PTPRN2: variants seen among roughly 807,000 people sequenced by gnomAD.
The protein encoded by PTPRN2 is receptor-type tyrosine-protein phosphatase N2.
In PTPRN2, 74 loss-of-function variants were observed where a neutral mutation model predicts 118.8. That is an observed-to-expected ratio of 0.62 (90% CI 0.52 to 0.76). The LOEUF (loss-of-function observed/expected upper bound fraction) is 0.76. Ranked by LOEUF, PTPRN2 falls within the 30% of genes least tolerant of loss-of-function variation. The probability of loss-of-function intolerance (pLI) is 0.00; values close to 1 mark genes in which losing one functional copy is unlikely to be tolerated. For missense variants in PTPRN2, 1,481 were observed against 1,394.4 expected, an observed-to-expected ratio of 1.06 and a Z score of -0.99; for synonymous variants, 641 against 608.0, an observed-to-expected ratio of 1.05 and a Z score of -0.80.
intron 11 of PTPRN2, among the ~76,000 whole-genome samples, chr7:157,899,826 C>T (rs1236662743): frequency 6.6e-6 from 1 of 152,164 alleles, no homozygotes; most frequent in East Asian, 1.9e-4. Context: ...ACAAGACAGA[C>T]AGAAAACAGT....
At chr7:158,245,206 C>T (rs1210734066) in intron 3 of PTPRN2, among the ~76,000 whole-genome samples, 1 of 100,036 alleles carries the variant, frequency 1.0e-5, no homozygotes, top group Non-Finnish European at 2.2e-5. Context: ...ATGCTGGAAT[C>T]CACGGTCATG....
intron 12 of PTPRN2, among the ~76,000 whole-genome samples, chr7:157,882,359 C>T (rs1326284297): frequency 6.7e-6 from 1 of 149,578 alleles, no homozygotes; most frequent in Non-Finnish European, 1.5e-5. Flanking sequence ...GAGAACAGAA[C>T]ATGCCATCCC....
intron 11 of PTPRN2, among the ~76,000 whole-genome samples, chr7:157,906,656 A>T (rs1797785980): frequency 6.6e-6 from 1 of 151,664 alleles, no homozygotes; most frequent in Admixed American, 6.6e-5. Flanking sequence ...AGGTTTAAAC[A>T]TTGCAAACCT....
intron 12 of PTPRN2, among the ~76,000 whole-genome samples, chr7:157,802,055 C>T (rs1022710620): frequency 4.6e-5 from 7 of 152,164 alleles, no homozygotes; most frequent in African/African-American, 7.2e-5. Context: ...CGTCCCTCTC[C>T]GACTCCGCTT....
chr7:158,017,240 C>A (rs540265186), intron 11 of PTPRN2, among the ~76,000 whole-genome samples: 1 of 152,252 alleles, frequency 6.6e-6, no homozygotes, highest in South Asian at 2.1e-4. Context: ...GAAGAAAGGG[C>A]CATGGTAATT....
In PTPRN2 at chr7:157,794,310, T is replaced by TCACACCTCCCCTCGGTCTCTGCTCC; in HGVS notation, c.1788+104362_1788+104363insGGAGCAGAGACCGAGGGGAGGTGTG. Among the ~76,000 whole-genome samples, 1 of 149,460 alleles carries TCACACCTCCCCTCGGTCTCTGCTCC rather than the reference T, an allele frequency of 6.7e-6. No homozygotes were observed. The highest frequency in any genetic ancestry group is 2.0e-4 in the East Asian group (1 of 4,954). The stretch of plus-strand genomic sequence containing the variant: ...TCACACCTCCCCTCGTTCTCTGCTC[T>TCACACCTCCCCTCGGTCTCTGCTCC]GACCCGGGCTCACACCTCCCTGCTC... On this transcript the variant is annotated intron_variant, in intron 12 of 22. Coordinates refer to ENST00000389418, the MANE Select transcript of PTPRN2 (RefSeq NM_002847.5). This position sits in a 1 kb window ranked among gnomAD's most constrained non-coding sequence, Gnocchi z 5.2.
intron 2 of PTPRN2, among the ~76,000 whole-genome samples, chr7:158,377,648 T>A (rs918483026): frequency 6.6e-5 from 10 of 152,118 alleles, no homozygotes; most frequent in African/African-American, 2.4e-4. Flanking sequence ...CCAAGAGGAA[T>A]GAAAATGGAG....
intron 2 of PTPRN2, among the ~76,000 whole-genome samples, chr7:158,483,860 G>A (rs561495638): frequency 3.8e-4 from 58 of 152,180 alleles, no homozygotes; most frequent in African/African-American, 1.1e-3. Context: ...GGAGTTGGCC[G>A]GGCGCAATGG....
chr7:158,058,397 G>A (rs10263543), intron 11 of PTPRN2, among the ~76,000 whole-genome samples: 8,813 of 89,378 alleles, frequency 0.099, 35 homozygotes, highest in South Asian at 0.14. Context: ...ATCTGCCCAC[G>A]GTGAGACATC....
chr7:158,107,642 T>A (rs762122548), intron 10 of PTPRN2, among the ~76,000 whole-genome samples: 13 of 150,700 alleles, frequency 8.6e-5, no homozygotes, highest in African/African-American at 3.2e-4. Flanking sequence ...ACACACACTT[T>A]GCACTCAGAT....
In PTPRN2 at chr7:157,671,721, C is replaced by T. The variant is rs534980616; in HGVS notation, c.2001+11004G>A. 3.3e-5 allele frequency among the ~76,000 whole-genome samples: 5 copies of T among 152,190 alleles called. No homozygotes were observed. The highest frequency in any genetic ancestry group is 2.6e-4 in the Admixed American group (4 of 15,292). ...CTGCTTCTCCATTTTCGGAACTGCACGTCGTTCTGGGGCCCAATTATTCTA... is the reference window on the plus strand; with the variant it reads ...CTGCTTCTCCATTTTCGGAACTGCATGTCGTTCTGGGGCCCAATTATTCTA... On this transcript the variant is annotated intron_variant, in intron 13 of 22. Coordinates refer to ENST00000389418, the MANE Select transcript of PTPRN2 (RefSeq NM_002847.5). The surrounding 1 kb of genome is among the most constrained non-coding windows in gnomAD (Gnocchi z 4.1).
intron 11 of PTPRN2, among the ~76,000 whole-genome samples, chr7:157,927,464 C>T (rs1167925655): frequency 6.0e-5 from 7 of 117,034 alleles, no homozygotes; most frequent in African/African-American, 2.9e-4. Flanking sequence ...CCCAGGGACC[C>T]TTCTGAGAAC....
chr7:158,551,448 G>GCCT (rs1826647425), intron 1 of PTPRN2, among the ~76,000 whole-genome samples: 2 of 149,598 alleles, frequency 1.3e-5, no homozygotes, highest in East Asian at 2.0e-4. Context: ...GGGGGGCCCT[G>GCCT]CCTAACCCAT....
At chr7:157,685,449 G>T (rs1797140095) in intron 12 of PTPRN2, among the ~76,000 whole-genome samples, 1 of 152,124 alleles carries the variant, frequency 6.6e-6, no homozygotes. Flanking sequence ...GTGCGCGCGG[G>T]TGTGTGGGGT....
At chr7:157,663,050 T>C (rs28661427) in intron 13 of PTPRN2, among the ~76,000 whole-genome samples, 58,288 of 151,684 alleles carry the variant, frequency 0.38, 12,252 homozygotes, top group Non-Finnish European at 0.49. Context: ...CCTCACGCCG[T>C]ATCTCAGGAC....
chr7:158,144,795 G>A (rs1164049482), intron 6 of PTPRN2, among the ~76,000 whole-genome samples: 1 of 152,214 alleles, frequency 6.6e-6, no homozygotes, highest in Non-Finnish European at 1.5e-5. Flanking sequence ...CAACACTGAT[G>A]AGTCCTGCTT....
chr7:157,717,682 G>A (rs757121574), intron 12 of PTPRN2, among the ~76,000 whole-genome samples: 37 of 152,266 alleles, frequency 2.4e-4, no homozygotes, highest in Non-Finnish European at 4.4e-4. Flanking sequence ...CACCAGGTAT[G>A]GGCACCGGCT....
intron 2 of PTPRN2, among the ~76,000 whole-genome samples, 159 bp from the exon 3 acceptor site, chr7:158,317,091 A>C (rs988793317): frequency 2.0e-5 from 3 of 152,218 alleles, no homozygotes; most frequent in Non-Finnish European, 2.9e-5. Flanking sequence ...GAGCACCCGG[A>C]GGATGCTGGT....
At chr7:157,847,558 G>C (rs111801402) in intron 12 of PTPRN2, among the ~76,000 whole-genome samples, 1 of 131,316 alleles carries the variant, frequency 7.6e-6, no homozygotes, top group Non-Finnish European at 1.6e-5. Flanking sequence ...ATGCGTGCCC[G>C]ATGTCTACAG....
Sources: gnomAD v4.1 joint callset for allele counts (sites outside exome capture counted in the v4.1 genomes callset) on GRCh38, gnomAD v4.1.1 for gene constraint, Gnocchi (gnomAD v3.1) non-coding constraint, MANE v1.5 for transcripts, NCBI Gene and HGNC (gene_info 2026-07-23, HGNC 2026-07-21) for gene names.